Variants in BIN1 observed in about 807,000 individuals in gnomAD.
BIN1 encodes the protein myc box-dependent-interacting protein 1.
A neutral mutation model predicts 82.0 loss-of-function variants in BIN1; 53 were observed. That is an observed-to-expected ratio of 0.65 (90% CI 0.52 to 0.81). BIN1 has a LOEUF of 0.81. BIN1 is among the 40% of genes least tolerant of loss of function. BIN1 has a pLI of 0.00. For synonymous variants in BIN1, 302 were observed against 328.0 expected, an observed-to-expected ratio of 0.92 and a Z score of 0.86; for missense variants, 642 against 784.4, an observed-to-expected ratio of 0.82 and a Z score of 2.17.
chr2:127,066,075 G>A (rs1454738983), intron 7 of BIN1, among the ~76,000 whole-genome samples: 1 of 152,176 alleles, frequency 6.6e-6, no homozygotes, highest in East Asian at 1.9e-4. Flanking sequence ...CATGGAGCCG[G>A]CCAGCCCCCT....
chr2:127,076,610 G>A lies in BIN1; in HGVS notation c.165+16C>T. ...TTTTCACAAACTCCCTAAGGCCAAG[G>A]GCCACCCACACTCACCAGCTGCTTG... On this transcript the variant is annotated intron_variant, in intron 2 of 18. Transcript: ENST00000316724. 1 of 1,613,950 alleles carries A rather than the reference G, an allele frequency of 6.2e-7. No individual in the cohort carries two copies. The highest frequency in any genetic ancestry group is 8.5e-7 in the Non-Finnish European group (1 of 1,179,992).
intron 14 of BIN1, 34 bp from the exon 15 acceptor site, chr2:127,052,396 G>A (rs781549930): frequency 6.5e-7 from 1 of 1,543,042 alleles, no homozygotes; most frequent in East Asian, 2.4e-5. Flanking sequence ...AACAGGGAGG[G>A]GGCGGGGAGG....
chr2:127,052,511 C>T, intron 14 of BIN1, 149 bp from the exon 15 acceptor site: 1 of 684,602 alleles, frequency 1.5e-6, no homozygotes, highest in African/African-American at 1.8e-5. Context: ...CGGCCAGCCA[C>T]CCGCCTCCCA....
chr2:127,092,786 T>C (rs1679101130), intron 1 of BIN1, among the ~76,000 whole-genome samples: 1 of 151,918 alleles, frequency 6.6e-6, no homozygotes. Context: ...TGCAGTGCAC[T>C]TGGGAAGGGG....
At chr2:127,089,651 C>T (rs1678657997) in intron 1 of BIN1, among the ~76,000 whole-genome samples, 2 of 152,096 alleles carry the variant, frequency 1.3e-5, no homozygotes, top group Admixed American at 6.5e-5. Context: ...CCACCTGCCC[C>T]TCAGTCCCTC....
Position 127,098,108 on chromosome 2 carries a change from G to A in BIN1, c.84+8752C>T, listed in dbSNP as rs575746401. Reference sequence around the variant, plus strand: ...CACAGATGACAGAATGACTTAGGGTGTAAATGCGAAGCCATCGCTGCCTCT... The same window carrying A: ...CACAGATGACAGAATGACTTAGGGTATAAATGCGAAGCCATCGCTGCCTCT... On this transcript the variant is annotated intron_variant, in intron 1 of 18. Coordinates refer to ENST00000316724, the MANE Select transcript of BIN1 (RefSeq NM_139343.3). Among the ~76,000 whole-genome samples the A allele has an allele frequency of 4.8e-4, 73 of 152,352 alleles. 2 individuals carry two copies. The South Asian group carries it at 0.014, about 29-fold the overall frequency.
Position 127,060,531 on chromosome 2 carries a change from G to A in BIN1, c.858-1376C>T, listed in dbSNP as rs76438064. 534 of 1,608,218 alleles carry A rather than the reference G, an allele frequency of 3.3e-4. 3 individuals are homozygous for A. The African/African-American group carries it at 6.2e-3, about 19-fold the overall frequency. ...GTGGCACCTGGGAGCAGGGCGCAAGGCGCATGCACAGGGCCAGCCAGGGCG... is the reference window on the plus strand; with the variant it reads ...GTGGCACCTGGGAGCAGGGCGCAAGACGCATGCACAGGGCCAGCCAGGGCG... On this transcript the variant is annotated intron_variant, in intron 10 of 18. Coordinates refer to ENST00000316724, the MANE Select transcript of BIN1 (RefSeq NM_139343.3).
At chr2:127,085,369 C>T (rs923929626) in intron 1 of BIN1, among the ~76,000 whole-genome samples, 25 of 152,340 alleles carry the variant, frequency 1.6e-4, no homozygotes, top group African/African-American at 6.0e-4. Context: ...AAGTGCATTC[C>T]ATCTGGAGGC....
Position 127,068,722 on chromosome 2 carries a change from G to C in BIN1, c.519+202C>G, listed in dbSNP as rs1685477921. Among the ~76,000 whole-genome samples, 1 of 152,190 alleles carries C rather than the reference G, an allele frequency of 6.6e-6. No individual in the cohort carries two copies. Among genetic ancestry groups the C allele is most frequent in the South Asian group, 2.1e-4 (1 of 4,836 alleles). On this transcript the variant is annotated intron_variant, in intron 6 of 18. Transcript: ENST00000316724. The surrounding 1 kb of genome is among the most constrained non-coding windows in gnomAD (Gnocchi z 4.9). ...AGGGCTGAGGGGCCAGGGTGGCACG[G>C]GGGGCAGGAATGGGCCTAGGGTGGA...
rs1387936254 is a variant in BIN1, at chr2:127,093,767, T to C, written c.84+13093A>G. 4.6e-5 allele frequency among the ~76,000 whole-genome samples: 7 copies of C among 152,212 alleles called. No individual in the cohort carries two copies. ...TTAGAGCGGTGTCAGCTGTGGCCCT[T>C]ATGATGGGTGAGAACGATACCACAC... On this transcript the variant is annotated intron_variant, in intron 1 of 18. Coordinates refer to ENST00000316724, the MANE Select transcript of BIN1 (RefSeq NM_139343.3). This position sits in a 1 kb window ranked among gnomAD's most constrained non-coding sequence, Gnocchi z 5.7.
intron 1 of BIN1, among the ~76,000 whole-genome samples, chr2:127,100,175 G>C (rs753670080): frequency 6.6e-5 from 10 of 152,166 alleles, no homozygotes; most frequent in Non-Finnish European, 1.5e-4. Context: ...CACAGCACAG[G>C]GTCCTGTCTG....
Position 127,068,834 on chromosome 2 carries a change from G to T in BIN1, c.519+90C>A. 7.8e-7 allele frequency: 1 copy of T among 1,283,438 alleles called. No individual in the cohort carries two copies. The highest frequency in any genetic ancestry group is 1.1e-6 in the Non-Finnish European group (1 of 888,568). The allele number at this position is 1,283,438 out of a possible 1,614,324, so 79.5% of individuals were successfully genotyped here. On this transcript the variant is annotated intron_variant, in intron 6 of 18. Transcript: ENST00000316724. This position sits in a 1 kb window ranked among gnomAD's most constrained non-coding sequence, Gnocchi z 4.9. Reference sequence around the variant, plus strand: ...CCCCAGTTCAGCCACCTGGGGCCAGGCAGGAGGAAGCCTCCACCCTCGGGG... The same window carrying T: ...CCCCAGTTCAGCCACCTGGGGCCAGTCAGGAGGAAGCCTCCACCCTCGGGG...
chr2:127,103,610 C>T (rs1339928781), intron 1 of BIN1, among the ~76,000 whole-genome samples: 6 of 152,182 alleles, frequency 3.9e-5, no homozygotes, highest in South Asian at 2.1e-4. Flanking sequence ...GGCCCAGCTC[C>T]GTCAGGCCGG....
At chr2:127,105,835 G>C (rs1246618545) in intron 1 of BIN1, among the ~76,000 whole-genome samples, 2 of 152,232 alleles carry the variant, frequency 1.3e-5, no homozygotes, top group African/African-American at 4.8e-5. Context: ...GCCTGGCCGC[G>C]GGGCACTGGG....
At chr2:127,085,173 G>A (rs1677967082) in intron 1 of BIN1, among the ~76,000 whole-genome samples, 1 of 152,190 alleles carries the variant, frequency 6.6e-6, no homozygotes, top group Non-Finnish European at 1.5e-5. Context: ...TGGGCCCCTT[G>A]CAGCAGCCCC....
At chr2:127,106,518 G>A (rs1681149833) in intron 1 of BIN1, among the ~76,000 whole-genome samples, 1 of 152,196 alleles carries the variant, frequency 6.6e-6, no homozygotes, top group South Asian at 2.1e-4. Context: ...CCAGCCTCCC[G>A]GCCCTTGGCC....
At chr2:127,065,403 C>T (rs767520437) in intron 7 of BIN1, among the ~76,000 whole-genome samples, 4 of 152,148 alleles carry the variant, frequency 2.6e-5, no homozygotes, top group Non-Finnish European at 4.4e-5. Flanking sequence ...GCCCCTCCTC[C>T]GTCTCCAGGC....
Position 127,090,291 on chromosome 2 carries a change from G to A in BIN1, c.85-13585C>T, listed in dbSNP as rs955879423. Among the ~76,000 whole-genome samples, 6 of 152,202 alleles carry A rather than the reference G, an allele frequency of 3.9e-5. No homozygotes were observed. The highest frequency in any genetic ancestry group is 3.3e-4 in the Admixed American group (5 of 15,288). On this transcript the variant is annotated intron_variant, in intron 1 of 18. Coordinates refer to ENST00000316724, the MANE Select transcript of BIN1 (RefSeq NM_139343.3). The surrounding 1 kb of genome is among the most constrained non-coding windows in gnomAD (Gnocchi z 6.4). ...CAGCAAGGCCAGCCTGGTGCAACCC[G>A]CTGTGGCCACATGAGGAGCCCTGAT...
In BIN1 at chr2:127,082,255, C is replaced by T. The variant is rs918617493; in HGVS notation, c.85-5549G>A. Among the ~76,000 whole-genome samples, 1 of 152,114 alleles carries T rather than the reference C, an allele frequency of 6.6e-6. No homozygotes were observed. The highest frequency in any genetic ancestry group is 1.5e-5 in the Non-Finnish European group (1 of 68,006). On this transcript the variant is annotated intron_variant, in intron 1 of 18. Coordinates refer to ENST00000316724, the MANE Select transcript of BIN1 (RefSeq NM_139343.3). This position sits in a 1 kb window ranked among gnomAD's most constrained non-coding sequence, Gnocchi z 6.1. ...CCTCCGTCGTCTCCCACACACAGCTCGGGTCAGCCAAGCTGGGGAGCTGTG... is the reference window on the plus strand; with the variant it reads ...CCTCCGTCGTCTCCCACACACAGCTTGGGTCAGCCAAGCTGGGGAGCTGTG...
Sources: gnomAD v4.1 joint callset for allele counts (sites outside exome capture counted in the v4.1 genomes callset) on GRCh38, gnomAD v4.1.1 for gene constraint, Gnocchi (gnomAD v3.1) non-coding constraint, MANE v1.5 for transcripts, NCBI Gene and HGNC (gene_info 2026-07-23, HGNC 2026-07-21) for gene names.